CISD2: variants seen among roughly 807,000 people sequenced by gnomAD.
CISD2 encodes CDGSH iron-sulfur domain-containing protein 2.
CISD2 carries 1 observed loss-of-function variant against 12.9 expected under a neutral mutation model. That is an observed-to-expected ratio of 0.08 (90% CI 0.03 to 0.37). The LOEUF is 0.37. Among genes scored for constraint, CISD2 ranks in the 10% least tolerant of loss-of-function variants. The pLI is 0.99. For synonymous variants in CISD2, 50 were observed against 60.6 expected (o/e 0.83, Z 0.81); for missense variants, 97 against 163.1 (o/e 0.59, Z 2.21).
At chr4:102,871,096 G>A (rs76037637) in intron 1 of CISD2, among the ~76,000 whole-genome samples, 4,894 of 152,244 alleles carry the variant, frequency 0.032, 128 homozygotes, top group South Asian at 0.15. Context: ...TAACAGTCAA[G>A]AAAGGAAAAT....
chr4:102,873,784 G>C (rs1047122441), intron 1 of CISD2, among the ~76,000 whole-genome samples: 4 of 148,506 alleles, frequency 2.7e-5, no homozygotes, highest in African/African-American at 9.9e-5. Flanking sequence ...TTAGGTCCTT[G>C]CTCAGTATTG....
chr4:102,884,050 G>C lies in CISD2; in HGVS notation c.104-1166G>C, dbSNP rs78240314. 4.3e-3 allele frequency among the ~76,000 whole-genome samples: 660 copies of C among 152,214 alleles called. 9 individuals carry two copies. Among genetic ancestry groups the C allele is most frequent in the East Asian group, 0.043 (221 of 5,182 alleles). On this transcript the variant is annotated intron_variant, in intron 1 of 2. Transcript: ENST00000273986. ...AGTTCATATTGTCTTTCTTTCAATA[G>C]TTAAATAGTACTATTATCTCCTGAG... is the stretch of plus-strand genomic sequence containing the variant.
intron 1 of CISD2, among the ~76,000 whole-genome samples, chr4:102,869,878 G>A (rs1294519556): frequency 6.6e-6 from 1 of 152,124 alleles, no homozygotes; most frequent in Non-Finnish European, 1.5e-5. Context: ...GTGAATATAT[G>A]TAACGTTCTA....
intron 1 of CISD2, chr4:102,869,501 T>C (rs1490686268): frequency 1.4e-6 from 1 of 702,492 alleles, no homozygotes; most frequent in Non-Finnish European, 2.6e-6. Flanking sequence ...CCTGTCCTGC[T>C]CATCGCTCTC....
At position 102,890,904 on chromosome 4, in the gene CISD2, G is replaced by A. The variant is rs1734217036; in HGVS notation, c.*3474G>A. ...AATTTATTGTGGCAGAAATCAGTAC[G>A]AAGTTCGTAGGACAGGAGGAAACCA... On this transcript the variant is annotated 3_prime_UTR_variant, in exon 3 of 3. Coordinates refer to ENST00000273986, the MANE Select transcript of CISD2 (RefSeq NM_001008388.5). 6.9e-6 allele frequency: 1 copy of A among 144,228 alleles called. No individual in the cohort carries two copies. Among genetic ancestry groups the A allele is most frequent in the Non-Finnish European group, 1.5e-5 (1 of 67,116 alleles). The allele number at this position is 144,228 out of a possible 1,614,324, so 8.9% of individuals were successfully genotyped here.
chr4:102,879,372 A>T (rs1247666224), intron 1 of CISD2, among the ~76,000 whole-genome samples: 1 of 151,814 alleles, frequency 6.6e-6, no homozygotes. Context: ...GAAGGGGGGG[A>T]TTGATTGGGA....
chr4:102,883,640 A>G (rs957167261), intron 1 of CISD2, among the ~76,000 whole-genome samples: 3 of 152,158 alleles, frequency 2.0e-5, no homozygotes, highest in Non-Finnish European at 4.4e-5. Context: ...CCCCGCAAAA[A>G]CAGTTCTGTG....
At chr4:102,885,544 T>C (rs112149858) in intron 2 of CISD2, 114 bp downstream of exon 2, 1 of 815,048 alleles carries the variant, frequency 1.2e-6, no homozygotes. Flanking sequence ...TAATATTTGG[T>C]ATTGAAAGAC....
At chr4:102,869,555 T>G (rs1733370009) in intron 1 of CISD2, 1 of 701,130 alleles carries the variant, frequency 1.4e-6, no homozygotes, top group Non-Finnish European at 2.6e-6. Flanking sequence ...GTCGTCGTTA[T>G]CTAAGGCCTC....
intron 1 of CISD2, among the ~76,000 whole-genome samples, chr4:102,878,242 T>A (rs913570028): frequency 1.3e-4 from 20 of 152,096 alleles, no homozygotes; most frequent in Admixed American, 5.9e-4. Flanking sequence ...TTCAAGTGAT[T>A]CTCCTGCCTC....
Position 102,869,179 on chromosome 4 carries a change from G to C in CISD2, c.95G>C (p.Arg32Thr). ...PVPESITGFARLTVSEWLRLL... is the reference protein window; with the variant it reads ...PVPESITGFATLTVSEWLRLL... ...CCTGAAAGCATTACCGGGTTCGCTA[G>C]GCTCACAGGTAATCCTCCCCCATCA... Residue 32 changes from arginine to threonine, a missense_variant, in exon 1 of 3, where the codon AGG becomes ACG. Around this residue, in one of 2 missense-constraint regions of CISD2, gnomAD observed 89 missense variants for 114.4 expected, o/e 0.78. Transcript: ENST00000273986. The C allele has an allele frequency of 1.9e-6, 3 of 1,607,464 alleles. No homozygotes were observed. Among genetic ancestry groups the C allele is most frequent in the Non-Finnish European group, 2.5e-6 (3 of 1,177,218 alleles).
intron 1 of CISD2, among the ~76,000 whole-genome samples, chr4:102,881,467 C>T (rs1445760957): frequency 3.8e-4 from 58 of 152,250 alleles, no homozygotes; most frequent in Non-Finnish European, 8.8e-5. Flanking sequence ...AATGAGGTGA[C>T]GAATATCCCA....
In CISD2 at chr4:102,892,106, TG is replaced by T. The variant is rs1433517903; in HGVS notation, c.*4678del. ...CAAAGTCTGGCCCTGTCACCCAGGC[TG>T]GAGTGCGGGGGCATGATCGTAGCTC... On this transcript the variant is annotated 3_prime_UTR_variant, in exon 3 of 3. Transcript: ENST00000273986. 6.6e-6 allele frequency: 1 copy of T among 152,224 alleles called. No individual in the cohort carries two copies. Among genetic ancestry groups the T allele is most frequent in the Non-Finnish European group, 1.5e-5 (1 of 68,042 alleles). The allele number at this position is 152,224 out of a possible 1,614,324, so 9.4% of individuals were successfully genotyped here. A position where few individuals can be genotyped will look rare whatever the true frequency, so the allele number is the denominator to read the frequency against.
intron 1 of CISD2, among the ~76,000 whole-genome samples, chr4:102,874,322 C>A (rs1481523718): frequency 6.6e-6 from 1 of 151,994 alleles, no homozygotes; most frequent in Non-Finnish European, 1.5e-5. Flanking sequence ...ACACTGGGAA[C>A]TGCTAAAGGG....
rs1327456037 is a variant in CISD2, at chr4:102,890,806, C to CAATAAGTAAGCTACT, written c.*3376_*3377insAATAAGTAAGCTACT. 1.6e-4 allele frequency: 21 copies of CAATAAGTAAGCTACT among 128,380 alleles called. No individual in the cohort carries two copies. The highest frequency in any genetic ancestry group is 6.2e-4 in the African/African-American group (19 of 30,702). The allele number at this position is 128,380 out of a possible 1,614,324, so 8.0% of individuals were successfully genotyped here. A position where few individuals can be genotyped will look rare whatever the true frequency, so the allele number is the denominator to read the frequency against. Reference sequence around the variant, plus strand: ...AGTGAGCCAAGATTGTGCCACTGCACTCCAGCCTGGGCAACAGAAGTGAAA... The same window carrying CAATAAGTAAGCTACT: ...AGTGAGCCAAGATTGTGCCACTGCACAATAAGTAAGCTACTTCCAGCCTGGGCAACAGAAGTGAAA... On this transcript the variant is annotated 3_prime_UTR_variant, in exon 3 of 3. Transcript: ENST00000273986.
Position 102,887,446 on chromosome 4 carries a change from T to G in CISD2, c.*16T>G. Reference sequence around the variant, plus strand: ...AGAAGTATAATAATAATAACAATATTTTCTCATTCTTTGTGTATAGAAAAT... The same window carrying G: ...AGAAGTATAATAATAATAACAATATGTTCTCATTCTTTGTGTATAGAAAAT... On this transcript the variant is annotated 3_prime_UTR_variant, in exon 3 of 3. Coordinates refer to ENST00000273986, the MANE Select transcript of CISD2 (RefSeq NM_001008388.5). 1 of 923,036 alleles carries G rather than the reference T, an allele frequency of 1.1e-6. No individual in the cohort carries two copies. The allele number at this position is 923,036 out of a possible 1,614,324, so 57.2% of individuals were successfully genotyped here.
At chr4:102,881,121 T>A (rs1301355543) in intron 1 of CISD2, among the ~76,000 whole-genome samples, 1 of 152,008 alleles carries the variant, frequency 6.6e-6, no homozygotes, top group Non-Finnish European at 1.5e-5. Context: ...ACATGTAAAA[T>A]TTTTTTTAAG....
At chr4:102,872,690 A>C (rs1385238052) in intron 1 of CISD2, among the ~76,000 whole-genome samples, 1 of 152,164 alleles carries the variant, frequency 6.6e-6, no homozygotes, top group Non-Finnish European at 1.5e-5. Flanking sequence ...TATTATTAAA[A>C]AATGTTTTAA....
chr4:102,880,061 G>A (rs1422436592), intron 1 of CISD2, among the ~76,000 whole-genome samples: 2 of 152,006 alleles, frequency 1.3e-5, no homozygotes, highest in Non-Finnish European at 2.9e-5. Context: ...TCCTGCCTCA[G>A]CCTCCTGAGT....
Sources: gnomAD v4.1 joint callset for allele counts (sites outside exome capture counted in the v4.1 genomes callset) on GRCh38, gnomAD v4.1.1 for gene constraint, gnomAD v4.1.1 regional missense constraint, MANE v1.5 for transcripts, NCBI Gene and HGNC (gene_info 2026-07-23, HGNC 2026-07-21) for gene names.